NTM: variants seen among roughly 807,000 people sequenced by gnomAD.
NTM encodes the protein neurotrimin, also known as IgLON family member 2.
In NTM, 13 loss-of-function variants were observed where a neutral mutation model predicts 42.1. That is an observed-to-expected ratio of 0.31 (90% CI 0.20 to 0.49). The LOEUF is 0.49. NTM is among the 20% of genes least tolerant of loss of function. NTM has a pLI of 0.99. For missense variants in NTM, 373 were observed against 452.8 expected (o/e 0.82, Z 1.60); for synonymous variants, 187 against 179.2 (o/e 1.04, Z -0.35).
chr11:131,522,553 C>T (rs1306686143), intron 1 of NTM, among the ~76,000 whole-genome samples: 1 of 152,164 alleles, frequency 6.6e-6, no homozygotes, highest in Admixed American at 6.5e-5. Context: ...GAAAAGCTTT[C>T]TCCAGGGAAA....
At chr11:131,547,874 G>T (rs1388615938) in intron 1 of NTM, among the ~76,000 whole-genome samples, 1 of 152,036 alleles carries the variant, frequency 6.6e-6, no homozygotes, top group Admixed American at 6.6e-5. Flanking sequence ...TAAATCTTTG[G>T]CATCTCTCAA....
At chr11:131,443,576 C>T (rs1198032634) in intron 1 of NTM, among the ~76,000 whole-genome samples, 1 of 152,164 alleles carries the variant, frequency 6.6e-6, no homozygotes, top group Non-Finnish European at 1.5e-5. Flanking sequence ...TAGGTCACCC[C>T]TAAGACAGTC....
At chr11:132,275,692 A>ATATATATACG (rs2093679213) in intron 4 of NTM, among the ~76,000 whole-genome samples, 3 of 83,326 alleles carry the variant, frequency 3.6e-5, no homozygotes, top group African/African-American at 8.6e-5. Context: ...TTGATGTTTT[A>ATATATATACG]TATATATATG....
At chr11:132,126,383 CT>C (rs1284082678) in intron 2 of NTM, among the ~76,000 whole-genome samples, 1 of 152,122 alleles carries the variant, frequency 6.6e-6, no homozygotes, top group Admixed American at 6.5e-5. Flanking sequence ...GTTCCTTCTA[CT>C]TTTTTTCCTT....
intron 1 of NTM, among the ~76,000 whole-genome samples, chr11:131,678,457 C>A (rs774404443): frequency 3.9e-5 from 6 of 152,250 alleles, no homozygotes; most frequent in Non-Finnish European, 8.8e-5. Context: ...AGGGCAAGGT[C>A]TTCTGAGTCC....
In NTM at chr11:131,835,077, T is replaced by C. The variant is rs149895987; in HGVS notation, c.83-76487T>C. ...AGTTCAGCTAACATCCCTGTCCTCA[T>C]GGGGCTTACACTCTGGAGACTGGAT... is the stretch of plus-strand genomic sequence containing the variant. On this transcript the variant is annotated intron_variant, in intron 1 of 8. Transcript: ENST00000683400. Among the ~76,000 whole-genome samples, 465 of 152,284 alleles carry C rather than the reference T, an allele frequency of 3.1e-3. 3 individuals carry two copies. The highest frequency in any genetic ancestry group is 0.011 in the African/African-American group (446 of 41,552).
intron 1 of NTM, among the ~76,000 whole-genome samples, chr11:131,889,694 G>T (rs2050963839): frequency 6.6e-6 from 1 of 152,126 alleles, no homozygotes; most frequent in South Asian, 2.1e-4. Flanking sequence ...CAAATAGAGA[G>T]AAAGGAGAGA....
intron 1 of NTM, among the ~76,000 whole-genome samples, chr11:131,434,755 TG>T (rs1170127644): frequency 6.6e-6 from 1 of 152,232 alleles, no homozygotes. Context: ...TTCACTCTGA[TG>T]GTAGTTTATT....
At chr11:131,801,172 A>G (rs932195803) in intron 1 of NTM, among the ~76,000 whole-genome samples, 1 of 152,216 alleles carries the variant, frequency 6.6e-6, no homozygotes, top group Non-Finnish European at 1.5e-5. Flanking sequence ...AACTACTTTT[A>G]CCAAGTCAAG....
chr11:131,950,496 G>A (rs988022076), intron 2 of NTM, among the ~76,000 whole-genome samples: 3 of 151,994 alleles, frequency 2.0e-5, no homozygotes, highest in Non-Finnish European at 4.4e-5. Flanking sequence ...TCTCTGTCTC[G>A]GAAGCCCACT....
intron 2 of NTM, among the ~76,000 whole-genome samples, chr11:131,941,811 A>G (rs1317554647): frequency 6.6e-6 from 1 of 152,188 alleles, no homozygotes; most frequent in Non-Finnish European, 1.5e-5. Flanking sequence ...TTGGCTCTCA[A>G]CCCAATTCTT....
chr11:132,221,411 G>C (rs1261993681), intron 4 of NTM, among the ~76,000 whole-genome samples: 1 of 152,148 alleles, frequency 6.6e-6, no homozygotes. Context: ...GGGAGATCAG[G>C]CTAATGGGCC....
At chr11:132,105,424 G>A (rs2062239892) in intron 2 of NTM, among the ~76,000 whole-genome samples, 1 of 152,014 alleles carries the variant, frequency 6.6e-6, no homozygotes, top group Non-Finnish European at 1.5e-5. Context: ...ATGATTGGGA[G>A]AGAAACATGA....
At chr11:132,145,767 A>T in intron 2 of NTM, among the ~76,000 whole-genome samples, 1 of 152,200 alleles carries the variant, frequency 6.6e-6, no homozygotes, top group East Asian at 1.9e-4. Context: ...AATGATGTTT[A>T]GTAGTTAAAA....
At chr11:131,921,719 T>C (rs2138240998) in intron 2 of NTM, among the ~76,000 whole-genome samples, 1 of 152,078 alleles carries the variant, frequency 6.6e-6, no homozygotes, top group Non-Finnish European at 1.5e-5. Context: ...AGTGCCAGAG[T>C]CCAGAATGCT....
chr11:132,277,083 CAT>C (rs1167334264), intron 4 of NTM, among the ~76,000 whole-genome samples: 2 of 152,142 alleles, frequency 1.3e-5, no homozygotes, highest in Non-Finnish European at 2.9e-5. Flanking sequence ...CATGGGCAAT[CAT>C]GTGATTGGTG....
intron 2 of NTM, chr11:131,984,445 T>C (rs1437406953): frequency 6.6e-6 from 1 of 152,250 alleles, no homozygotes; most frequent in African/African-American, 2.4e-5. Flanking sequence ...GCTTCTTATC[T>C]ATACTCTGAT....
intron 1 of NTM, among the ~76,000 whole-genome samples, chr11:131,801,159 G>A (rs1033373398): frequency 1.3e-5 from 2 of 152,184 alleles, no homozygotes; most frequent in South Asian, 2.1e-4. Context: ...TGTGACCCAC[G>A]TGAACTACTT....
chr11:132,259,495 C>A (rs1249800472), intron 4 of NTM, among the ~76,000 whole-genome samples: 1 of 151,912 alleles, frequency 6.6e-6, no homozygotes, highest in Non-Finnish European at 1.5e-5. Context: ...GCCCGACCAA[C>A]ATGGTGAAAC....
Sources: gnomAD v4.1 joint callset for allele counts (sites outside exome capture counted in the v4.1 genomes callset) on GRCh38, gnomAD v4.1.1 for gene constraint, MANE v1.5 for transcripts, NCBI Gene and HGNC (gene_info 2026-07-23, HGNC 2026-07-21) for gene names.